The following TRUB1 variants were observed in gnomAD, a reference collection of about 807,000 sequenced individuals.
The protein encoded by TRUB1 is TruB pseudouridine synthase family member 1.
A neutral mutation model predicts 33.9 loss-of-function variants in TRUB1; 23 were observed. That is an observed-to-expected ratio of 0.68 (90% CI 0.49 to 0.96). The LOEUF (loss-of-function observed/expected upper bound fraction) is 0.96, where lower values mean the gene tolerates loss of function less well. TRUB1 is among the 40% of genes least tolerant of loss of function. The probability of loss-of-function intolerance (pLI) is 0.00; values close to 1 mark genes in which losing one functional copy is unlikely to be tolerated. For missense variants in TRUB1, 378 were observed against 422.2 expected (o/e 0.90, Z 0.92); for synonymous variants, 163 against 165.4 (o/e 0.99, Z 0.11).
chr10:114,938,658 T>C (rs2084171391), intron 1 of TRUB1, 119 bp downstream of exon 1: 11 of 1,145,192 alleles, frequency 9.6e-6, no homozygotes, highest in Middle Eastern at 3.0e-4. Flanking sequence ...AGACTGACCA[T>C]TGAATTAGCT....
At chr10:114,970,080 G>A (rs1432862377) in intron 4 of TRUB1, among the ~76,000 whole-genome samples, 6 of 152,074 alleles carry the variant, frequency 3.9e-5, no homozygotes, top group Non-Finnish European at 5.9e-5. Context: ...TAAGGCCATA[G>A]TCAGAACCAA....
chr10:114,967,845 A>G (rs1318699074), intron 4 of TRUB1, among the ~76,000 whole-genome samples: 2 of 152,198 alleles, frequency 1.3e-5, no homozygotes, highest in African/African-American at 4.8e-5. Flanking sequence ...CTCATGTACC[A>G]CAAGCTTAGA....
At chr10:114,945,488 G>C (rs1224337206) in intron 2 of TRUB1, among the ~76,000 whole-genome samples, 1 of 152,166 alleles carries the variant, frequency 6.6e-6, no homozygotes, top group African/African-American at 2.4e-5. Flanking sequence ...TTAATTTCGG[G>C]TGGCGGTTCT....
chr10:114,974,683 C>CA lies in TRUB1; in HGVS notation c.793+311dup, dbSNP rs745691662. ...AAAGATTTTAACTCAAACTAGGGAT[C>CA]AAAAAAAAAAAAAGATTTAACCTTC... On this transcript the variant is annotated intron_variant, in intron 7 of 7. Transcript: ENST00000298746. 7.2e-3 allele frequency among the ~76,000 whole-genome samples: 935 copies of CA among 129,644 alleles called. 12 individuals carry two copies. Among genetic ancestry groups the CA allele is most frequent in the African/African-American group, 0.022 (778 of 35,006 alleles). The allele number at this position is 129,644 out of a possible 152,430, so 85.1% of individuals were successfully genotyped here.
chr10:114,958,291 T>C (rs2084270032), intron 3 of TRUB1, among the ~76,000 whole-genome samples: 1 of 152,214 alleles, frequency 6.6e-6, no homozygotes, highest in Non-Finnish European at 1.5e-5. Flanking sequence ...CTGTGTTTAG[T>C]TACAAAAAAC....
chr10:114,959,786 G>T lies in TRUB1; in HGVS notation c.502G>T (p.Val168Leu). 1.2e-6 allele frequency: 2 copies of T among 1,605,386 alleles called. No individual in the cohort carries two copies. The highest frequency in any genetic ancestry group is 8.5e-7 in the Non-Finnish European group (1 of 1,172,420). ...TGATACACTAGATTCTACGGGGAGG[G>T]TAACAGAAGAAAAACCTTACGGTAT... ...ATDTLDSTGR[V>L]TEEKPYDKIT... is the part of the protein sequence containing the mutation. The change falls in exon 4 of 8, where the codon GTA (valine) becomes TTA (leucine). Residue 168 changes from valine to leucine, a missense_variant. Val to Leu is a conservative substitution (Grantham distance 32). Coordinates refer to ENST00000298746, the MANE Select transcript of TRUB1 (RefSeq NM_139169.5).
intron 2 of TRUB1, among the ~76,000 whole-genome samples, chr10:114,947,800 G>A (rs1402974005): frequency 6.6e-6 from 1 of 152,134 alleles, no homozygotes; most frequent in South Asian, 2.1e-4. Context: ...CCAGAGTTTT[G>A]TCAGAACTGA....
intron 4 of TRUB1, among the ~76,000 whole-genome samples, chr10:114,969,167 C>G (rs1165180586): frequency 6.7e-6 from 1 of 148,716 alleles, no homozygotes; most frequent in African/African-American, 2.5e-5. Flanking sequence ...TACAGTGGCT[C>G]ACACCTGTAA....
At chr10:114,955,162 G>A (rs943897880) in intron 3 of TRUB1, among the ~76,000 whole-genome samples, 5 of 152,204 alleles carry the variant, frequency 3.3e-5, no homozygotes, top group African/African-American at 1.2e-4. Context: ...AGGTTAGGCT[G>A]ATGTGTTCCT....
chr10:114,965,235 G>T (rs923937950), intron 4 of TRUB1, among the ~76,000 whole-genome samples: 13 of 151,054 alleles, frequency 8.6e-5, no homozygotes, highest in African/African-American at 2.4e-5. Flanking sequence ...AGCCTTACAG[G>T]TTTTTTTTTA....
In TRUB1 at chr10:114,974,348, T is replaced by G. The variant is rs755656929; in HGVS notation, c.756T>G (p.Gly252=). The part of the protein sequence containing the change: ...FFTLDVECGG[G]FYIRSLVSDI... ...TTCCAGATGTTGAATGTGGAGGAGGTTTTTATATCAGAAGCTTGGTCAGTG... is the reference window on the plus strand; with the variant it reads ...TTCCAGATGTTGAATGTGGAGGAGGGTTTTATATCAGAAGCTTGGTCAGTG... Residue 252 remains glycine (G), a synonymous_variant, in exon 7 of 8, where the codon GGT becomes GGG. Transcript: ENST00000298746. The G allele has an allele frequency of 1.2e-5, 20 of 1,612,416 alleles. No individual in the cohort carries two copies. The East Asian group carries it at 4.5e-4, about 36-fold the overall frequency.
chr10:114,943,316 G>A (rs1465259732), intron 2 of TRUB1, among the ~76,000 whole-genome samples: 1 of 152,144 alleles, frequency 6.6e-6, no homozygotes, highest in Non-Finnish European at 1.5e-5. Context: ...TGGATCACAA[G>A]GTCAGGAATT....
At chr10:114,947,573 T>C (rs1006220304) in intron 2 of TRUB1, among the ~76,000 whole-genome samples, 1 of 152,216 alleles carries the variant, frequency 6.6e-6, no homozygotes, top group African/African-American at 2.4e-5. Context: ...CCATATTTCC[T>C]TGTAGCTTTT....
intron 1 of TRUB1, among the ~76,000 whole-genome samples, chr10:114,940,310 G>A (rs565650915): frequency 2.0e-5 from 3 of 151,904 alleles, no homozygotes; most frequent in African/African-American, 4.8e-5. Context: ...TGGTAGAGAC[G>A]GGGTTTCTCC....
At chr10:114,949,044 G>C (rs978382735) in intron 2 of TRUB1, among the ~76,000 whole-genome samples, 2 of 152,090 alleles carry the variant, frequency 1.3e-5, no homozygotes, top group African/African-American at 4.8e-5. Context: ...CTTTGGCAGC[G>C]GTTCTCTCTC....
At chr10:114,962,593 G>A (rs1356957989) in intron 4 of TRUB1, among the ~76,000 whole-genome samples, 1 of 152,194 alleles carries the variant, frequency 6.6e-6, no homozygotes, top group Non-Finnish European at 1.5e-5. Flanking sequence ...GTTTCTAGTT[G>A]TTACAATGAC....
At chr10:114,970,899 C>T (rs138756760) in intron 5 of TRUB1, among the ~76,000 whole-genome samples, 2 of 152,270 alleles carry the variant, frequency 1.3e-5, no homozygotes, top group East Asian at 1.9e-4. Context: ...CCAGCGAAAC[C>T]GATGAGAGTT....
intron 2 of TRUB1, among the ~76,000 whole-genome samples, chr10:114,946,394 T>G (rs1384262285): frequency 6.6e-6 from 1 of 152,158 alleles, no homozygotes; most frequent in Non-Finnish European, 1.5e-5. Context: ...CAGGCTTGAG[T>G]GCGGTGGCGT....
chr10:114,938,345 T>C lies in TRUB1; in HGVS notation c.92T>C (p.Met31Thr). Reference sequence around the variant, plus strand: ...GAAACTGCAGGAACGGTCGCAGCAATGGCTGCGACCCCGTCAGCAAGGGCT... The same window carrying C: ...GAAACTGCAGGAACGGTCGCAGCAACGGCTGCGACCCCGTCAGCAAGGGCT... ...VLETAGTVAA[M>T]AATPSARAAA... The change falls in exon 1 of 8, where the codon ATG becomes ACG. Residue 31 changes from methionine (M) to threonine (T), a missense_variant. By Grantham distance (81) the Met-to-Thr change is moderately conservative. Transcript: ENST00000298746. 1 of 1,605,766 alleles carries C rather than the reference T, an allele frequency of 6.2e-7. No individual in the cohort carries two copies. Among genetic ancestry groups the C allele is most frequent in the East Asian group, 2.2e-5 (1 of 44,510 alleles).
Sources: gnomAD v4.1 joint callset for allele counts (sites outside exome capture counted in the v4.1 genomes callset) on GRCh38, gnomAD v4.1.1 for gene constraint, MANE v1.5 for transcripts, NCBI Gene and HGNC (gene_info 2026-07-23, HGNC 2026-07-21) for gene names.